The following CTNND2 variants were observed in gnomAD, a reference collection of about 807,000 sequenced individuals.
The protein encoded by CTNND2 is catenin delta-2.
CTNND2 carries 22 observed loss-of-function variants against 144.4 expected under a neutral mutation model. That is an observed-to-expected ratio of 0.15 (90% confidence interval 0.11 to 0.22). CTNND2 has a LOEUF of 0.22. CTNND2 is among the 10% of genes least tolerant of loss of function. The pLI is 1.00. For synonymous variants in CTNND2, 751 were observed against 695.6 expected (o/e 1.08, Z -1.25); for missense variants, 1,353 against 1,618.8 (o/e 0.84, Z 2.82).
At chr5:11,584,551 A>G (rs897176942) in intron 2 of CTNND2, among the ~76,000 whole-genome samples, 12 of 152,154 alleles carry the variant, frequency 7.9e-5, no homozygotes, top group Admixed American at 5.9e-4. Context: ...TCACAATGTA[A>G]TTAGCCACAA....
chr5:11,874,734 T>C (rs1735423447), intron 1 of CTNND2, among the ~76,000 whole-genome samples: 1 of 152,226 alleles, frequency 6.6e-6, no homozygotes, highest in South Asian at 2.1e-4. Flanking sequence ...TAATTTTCTA[T>C]TTAATAGTTT....
chr5:11,395,535 C>A (rs1030367332), intron 6 of CTNND2, among the ~76,000 whole-genome samples: 3 of 152,226 alleles, frequency 2.0e-5, no homozygotes, highest in African/African-American at 7.2e-5. Flanking sequence ...ACTCTGATGA[C>A]TTCAGATACA....
chr5:11,206,708 A>G (rs1738084975), intron 10 of CTNND2, among the ~76,000 whole-genome samples: 1 of 152,224 alleles, frequency 6.6e-6, no homozygotes, highest in South Asian at 2.1e-4. Context: ...TTTTCTCTAA[A>G]TTACAAAGTG....
chr5:11,219,713 G>C (rs149520170), intron 10 of CTNND2, among the ~76,000 whole-genome samples: 3 of 152,158 alleles, frequency 2.0e-5, no homozygotes, highest in African/African-American at 7.2e-5. Context: ...GACGAAGGAA[G>C]AGACCACAAG....
At chr5:11,378,423 C>G (rs1196552699) in intron 7 of CTNND2, among the ~76,000 whole-genome samples, 1 of 152,174 alleles carries the variant, frequency 6.6e-6, no homozygotes, top group Non-Finnish European at 1.5e-5. Context: ...CAGTTGAGAG[C>G]AAGTCAGCCT....
At chr5:11,840,469 T>C (rs1212257587) in intron 1 of CTNND2, among the ~76,000 whole-genome samples, 1 of 152,206 alleles carries the variant, frequency 6.6e-6, no homozygotes, top group Non-Finnish European at 1.5e-5. Flanking sequence ...GAGGTCTGAA[T>C]AATCAAGACG....
chr5:11,666,433 C>G (rs1783572832), intron 2 of CTNND2, among the ~76,000 whole-genome samples: 1 of 152,184 alleles, frequency 6.6e-6, no homozygotes, highest in African/African-American at 2.4e-5. Context: ...GATTATTGCA[C>G]TCTTCAGAGA....
At chr5:11,012,060 G>A (rs989016321) in intron 18 of CTNND2, among the ~76,000 whole-genome samples, 2 of 152,204 alleles carry the variant, frequency 1.3e-5, no homozygotes, top group South Asian at 2.1e-4. Flanking sequence ...TGGCAGAGAC[G>A]GCACTTGCCA....
chr5:11,355,878 A>G (rs1234868335), intron 8 of CTNND2, among the ~76,000 whole-genome samples: 8 of 152,152 alleles, frequency 5.3e-5, no homozygotes, highest in Admixed American at 5.2e-4. Context: ...AATCTGTAGC[A>G]TTTCTATACA....
chr5:11,739,851 G>T (rs1170022452), intron 1 of CTNND2, among the ~76,000 whole-genome samples: 1 of 152,074 alleles, frequency 6.6e-6, no homozygotes, highest in African/African-American at 2.4e-5. Flanking sequence ...AAAGTCTCAG[G>T]ATACAAAATC....
intron 3 of CTNND2, among the ~76,000 whole-genome samples, chr5:11,487,034 T>C (rs1768896668): frequency 6.6e-6 from 1 of 152,194 alleles, no homozygotes; most frequent in Non-Finnish European, 1.5e-5. Flanking sequence ...TTTACCTGGT[T>C]CACTGAAAAT....
intron 1 of CTNND2, among the ~76,000 whole-genome samples, chr5:11,747,835 G>C (rs1319147212): frequency 6.6e-6 from 1 of 152,124 alleles, no homozygotes; most frequent in Non-Finnish European, 1.5e-5. Context: ...CCACACAGTG[G>C]TTCGCAACAT....
chr5:11,658,912 TTA>T (rs1324426616), intron 2 of CTNND2, among the ~76,000 whole-genome samples: 3 of 152,182 alleles, frequency 2.0e-5, no homozygotes, highest in Non-Finnish European at 2.9e-5. Context: ...TGAAAAGAAT[TTA>T]GAGATCAATT....
At chr5:11,700,902 G>C (rs1785404066) in intron 2 of CTNND2, among the ~76,000 whole-genome samples, 1 of 152,178 alleles carries the variant, frequency 6.6e-6, no homozygotes, top group Admixed American at 6.5e-5. Flanking sequence ...CTGTCATGTT[G>C]AAAGAATACT....
At position 11,583,669 on chromosome 5, in the gene CTNND2, G is replaced by T. The variant is rs1778608720; in HGVS notation, c.175-18613C>A. Among the ~76,000 whole-genome samples the T allele has an allele frequency of 3.3e-5, 5 of 152,246 alleles. No homozygotes were observed. The South Asian group carries it at 8.3e-4, about 25-fold the overall frequency. On this transcript the variant is annotated intron_variant, in intron 2 of 21. Coordinates refer to ENST00000304623, the MANE Select transcript of CTNND2 (RefSeq NM_001332.4). ...ACTGGATGTGCAAAATAATTTTATTGATTTTTATTTCAGAATAATAACAAA... is the reference window on the plus strand; with the variant it reads ...ACTGGATGTGCAAAATAATTTTATTTATTTTTATTTCAGAATAATAACAAA...
intron 3 of CTNND2, among the ~76,000 whole-genome samples, chr5:11,533,889 T>G (rs867220028): frequency 1.3e-5 from 2 of 152,192 alleles, no homozygotes; most frequent in African/African-American, 4.8e-5. Flanking sequence ...GGCTTAGTGA[T>G]CTGGACTGTA....
intron 3 of CTNND2, among the ~76,000 whole-genome samples, chr5:11,474,573 A>C (rs1767540490): frequency 6.6e-6 from 1 of 152,230 alleles, no homozygotes; most frequent in Non-Finnish European, 1.5e-5. Flanking sequence ...CTTTAAGGGT[A>C]AATCAGAAAG....
chr5:11,010,019 CT>C (rs1384942050), intron 18 of CTNND2, among the ~76,000 whole-genome samples: 6 of 152,138 alleles, frequency 3.9e-5, no homozygotes, highest in African/African-American at 1.4e-4. Context: ...TAACCTTAGC[CT>C]TTTTGTTTTC....
At chr5:11,155,078 T>G (rs1758092972) in intron 12 of CTNND2, among the ~76,000 whole-genome samples, 1 of 152,196 alleles carries the variant, frequency 6.6e-6, no homozygotes, top group African/African-American at 2.4e-5. Flanking sequence ...GGGGGAAGAT[T>G]TATTCAACAC....
Sources: gnomAD v4.1 joint callset for allele counts (sites outside exome capture counted in the v4.1 genomes callset) on GRCh38, gnomAD v4.1.1 for gene constraint, MANE v1.5 for transcripts, NCBI Gene and HGNC (gene_info 2026-07-23, HGNC 2026-07-21) for gene names.